TBC1D12: variants seen among roughly 807,000 people sequenced by gnomAD.
TBC1D12 encodes the protein TBC1 domain family member 12.
In TBC1D12, 56 loss-of-function variants were observed where a neutral mutation model predicts 86.7. The ratio of observed to expected loss-of-function variants is 0.65; its 90% CI spans 0.52 to 0.81. The LOEUF (loss-of-function observed/expected upper bound fraction) is 0.81, where lower values mean the gene tolerates loss of function less well. Ranked by LOEUF, TBC1D12 falls within the 30% of genes least tolerant of loss-of-function variation. TBC1D12 has a pLI of 0.00. For synonymous variants in TBC1D12, 421 were observed against 411.7 expected, an observed-to-expected ratio of 1.02 and a Z score of -0.27; for missense variants, 1,023 against 1,038.8, an observed-to-expected ratio of 0.98 and a Z score of 0.21.
chr10:94,448,280 C>T (rs969005157), intron 2 of TBC1D12, among the ~76,000 whole-genome samples: 3 of 152,124 alleles, frequency 2.0e-5, no homozygotes, highest in African/African-American at 7.2e-5. Context: ...ATACATAACA[C>T]TTAGAACATG....
intron 7 of TBC1D12, chr10:94,508,561 A>G (rs2056489341): frequency 6.6e-6 from 1 of 151,776 alleles, no homozygotes; most frequent in Non-Finnish European, 1.5e-5. Context: ...AATCTGTGTA[A>G]TGGGCTTTTA....
intron 1 of TBC1D12, among the ~76,000 whole-genome samples, chr10:94,409,594 T>C (rs1425913742): frequency 6.6e-6 from 1 of 152,082 alleles, no homozygotes; most frequent in Non-Finnish European, 1.5e-5. Flanking sequence ...CAGATTGGTC[T>C]CAAACTCCTG....
intron 9 of TBC1D12, among the ~76,000 whole-genome samples, chr10:94,513,500 C>A (rs2056550760): frequency 6.6e-6 from 1 of 152,250 alleles, no homozygotes; most frequent in South Asian, 2.1e-4. Context: ...AATATATTAA[C>A]AAGCTCTTCA....
intron 2 of TBC1D12, among the ~76,000 whole-genome samples, chr10:94,453,530 C>T (rs1415310479): frequency 1.3e-5 from 2 of 151,946 alleles, no homozygotes; most frequent in South Asian, 2.1e-4. Flanking sequence ...GTTTATAAAA[C>T]ATTATCATAT....
chr10:94,429,290 C>G (rs2055185724), intron 1 of TBC1D12, among the ~76,000 whole-genome samples: 1 of 150,684 alleles, frequency 6.6e-6, no homozygotes, highest in South Asian at 2.1e-4. Context: ...AAATTCTCTA[C>G]TTTTTTTTTA....
intron 5 of TBC1D12, among the ~76,000 whole-genome samples, chr10:94,498,890 C>T (rs1001510921): frequency 8.6e-5 from 13 of 152,044 alleles, no homozygotes; most frequent in African/African-American, 3.1e-4. Flanking sequence ...CTGCCTCAGC[C>T]TCCTGAGTAG....
intron 2 of TBC1D12, among the ~76,000 whole-genome samples, chr10:94,465,991 A>T (rs2055817474): frequency 2.0e-5 from 3 of 151,406 alleles, no homozygotes; most frequent in Admixed American, 2.0e-4. Context: ...CATATATATG[A>T]AGTTTTTATC....
intron 3 of TBC1D12, among the ~76,000 whole-genome samples, chr10:94,484,248 GTTT>G (rs35799519): frequency 2.5e-4 from 34 of 133,564 alleles, no homozygotes; most frequent in Non-Finnish European, 3.2e-4. Flanking sequence ...TGTTTCTTTT[GTTT>G]TTTTTTTTTT....
chr10:94,494,084 GTC>G (rs1159089347), intron 4 of TBC1D12, among the ~76,000 whole-genome samples: 3 of 151,918 alleles, frequency 2.0e-5, no homozygotes, highest in South Asian at 2.1e-4. Flanking sequence ...GACTTACAGA[GTC>G]TCTCTAGAGG....
In TBC1D12 at chr10:94,403,446, A is replaced by T; in HGVS notation, c.833A>T (p.Gln278Leu). 6.5e-7 allele frequency: 1 copy of T among 1,546,660 alleles called. No individual in the cohort carries two copies. The highest frequency in any genetic ancestry group is 2.5e-5 in the East Asian group (1 of 39,940). ...CACTTCAACTCTCGCAACACGTTCCAGGTGAGCCGCGGTCAGAGCGCCCGC... is the reference window on the plus strand; with the variant it reads ...CACTTCAACTCTCGCAACACGTTCCTGGTGAGCCGCGGTCAGAGCGCCCGC... ...DIHFNSRNTF[Q>L]VSRGQSARDH... Residue 278 changes from glutamine to leucine, a missense_variant, in exon 1 of 13, where the codon CAG becomes CTG. Coordinates refer to ENST00000225235, the MANE Select transcript of TBC1D12 (RefSeq NM_015188.2).
rs181104669 is a variant in TBC1D12 at position 94,494,369 on chromosome 10, C to T, written c.1294+922C>T. On this transcript the variant is annotated intron_variant, in intron 4 of 12. Transcript: ENST00000225235. The stretch of plus-strand genomic sequence containing the variant: ...TGGACTGTTATAATAGTATACAGTT[C>T]TGCTTTATGGTGCTATTTTGGAATT... 4.4e-3 allele frequency among the ~76,000 whole-genome samples: 667 copies of T among 152,146 alleles called. 4 individuals carry two copies. The highest frequency in any genetic ancestry group is 0.015 in the African/African-American group (634 of 41,512).
chr10:94,445,549 A>C (rs1332777118), intron 2 of TBC1D12, among the ~76,000 whole-genome samples: 2 of 152,098 alleles, frequency 1.3e-5, no homozygotes, highest in African/African-American at 4.8e-5. Context: ...CAGCTATGTC[A>C]CAGCTATTAG....
chr10:94,460,289 C>T (rs2055705099), intron 2 of TBC1D12, among the ~76,000 whole-genome samples: 1 of 152,140 alleles, frequency 6.6e-6, no homozygotes, highest in Non-Finnish European at 1.5e-5. Flanking sequence ...ATTCTTTTAA[C>T]ATTTTTTGCA....
chr10:94,431,222 C>G (rs1274968223), intron 1 of TBC1D12, among the ~76,000 whole-genome samples: 1 of 151,994 alleles, frequency 6.6e-6, no homozygotes, highest in Non-Finnish European at 1.5e-5. Flanking sequence ...CGAGACCAGC[C>G]TGGCCAACAT....
At chr10:94,514,907 C>CT (rs1168629833) in intron 9 of TBC1D12, among the ~76,000 whole-genome samples, 3,999 of 127,324 alleles carry the variant, frequency 0.031, 140 homozygotes, top group African/African-American at 0.065. Context: ...TTTTTTTTTT[C>CT]TTTTTTTTTT....
chr10:94,517,661 CACTT>C (rs1842034860), intron 9 of TBC1D12, among the ~76,000 whole-genome samples: 2 of 152,128 alleles, frequency 1.3e-5, no homozygotes, highest in African/African-American at 2.4e-5. Flanking sequence ...AGTCAAATCA[CACTT>C]ACTTTATAAG....
At chr10:94,517,116 G>A (rs912591748) in intron 9 of TBC1D12, among the ~76,000 whole-genome samples, 21 of 152,172 alleles carry the variant, frequency 1.4e-4, no homozygotes, top group Admixed American at 1.3e-3. Context: ...GGTGGCTCAT[G>A]CCTATAACCC....
At chr10:94,493,220 G>A (rs1274925434) in intron 3 of TBC1D12, 145 bp from the exon 4 acceptor site, 3 of 666,002 alleles carry the variant, frequency 4.5e-6, no homozygotes, top group Non-Finnish European at 8.0e-6. Context: ...AAAATGCACA[G>A]TTCTTTTCAG....
At chr10:94,474,419 G>A (rs556130780) in intron 2 of TBC1D12, among the ~76,000 whole-genome samples, 1 of 150,968 alleles carries the variant, frequency 6.6e-6, no homozygotes, top group Admixed American at 6.6e-5. Context: ...TCTTGAATTC[G>A]TGAGCTCAAG....
Sources: gnomAD v4.1 joint callset for allele counts (sites outside exome capture counted in the v4.1 genomes callset) on GRCh38, gnomAD v4.1.1 for gene constraint, MANE v1.5 for transcripts, NCBI Gene and HGNC (gene_info 2026-07-23, HGNC 2026-07-21) for gene names.